The following TG variants were observed in gnomAD, a reference collection of about 807,000 sequenced individuals.
TG encodes the protein thyroid hormones.
A neutral mutation model predicts 324.7 loss-of-function variants in TG; 270 were observed. The observed-to-expected ratio is 0.83, with a 90% confidence interval of 0.75 to 0.92. The LOEUF (loss-of-function observed/expected upper bound fraction) is 0.92. TG is among the 40% of genes least tolerant of loss of function. The pLI is 0.00. For missense variants in TG, 3,591 were observed against 3,456.4 expected (o/e 1.04, Z -0.98); for synonymous variants, 1,401 against 1,327.0 (o/e 1.06, Z -1.21).
intron 27 of TG, among the ~76,000 whole-genome samples, 191 bp from the exon 28 acceptor site, chr8:132,960,817 G>C (rs1483262953): frequency 1.3e-5 from 2 of 152,158 alleles, no homozygotes; most frequent in Non-Finnish European, 2.9e-5. Flanking sequence ...ACCCATGTCT[G>C]ACCAGCTCTG....
intron 43 of TG, among the ~76,000 whole-genome samples, chr8:133,107,711 A>T (rs569476636): frequency 6.6e-6 from 1 of 152,332 alleles, no homozygotes; most frequent in Non-Finnish European, 1.5e-5. Context: ...TTGACCAGTC[A>T]TCAAGGCTGC....
intron 38 of TG, 130 bp from the exon 39 acceptor site, chr8:133,019,472 G>A: frequency 2.8e-6 from 2 of 723,700 alleles, no homozygotes; most frequent in South Asian, 2.9e-5. Context: ...ATTTCCTGAA[G>A]CTGCCTAATT....
chr8:133,115,810 G>A lies in TG; in HGVS notation c.7755-799G>A, dbSNP rs547717811. Among the ~76,000 whole-genome samples, 48 of 152,322 alleles carry A rather than the reference G, an allele frequency of 3.2e-4. No individual in the cohort carries two copies. In the South Asian group the frequency reaches 9.3e-3, roughly 30 times the overall value. On this transcript the variant is annotated intron_variant, in intron 44 of 47. Coordinates refer to ENST00000220616, the MANE Select transcript of TG (RefSeq NM_003235.5). ...GCCTCTCTAAGCACATAGCCTGTGC[G>A]TCAGCACACGCAGGGCCCCACTCTT... is the stretch of plus-strand genomic sequence containing the variant.
At chr8:132,988,153 C>T (rs1274344284) in intron 35 of TG, among the ~76,000 whole-genome samples, 2 of 151,662 alleles carry the variant, frequency 1.3e-5, no homozygotes, top group African/African-American at 4.9e-5. Flanking sequence ...ACTCGAAAGT[C>T]CATCTGCACA....
At chr8:132,902,800 G>T (rs542714406) in intron 16 of TG, among the ~76,000 whole-genome samples, 4 of 152,324 alleles carry the variant, frequency 2.6e-5, no homozygotes, top group African/African-American at 9.6e-5. Flanking sequence ...CAGGTCTGGA[G>T]CACAGCTCCT....
At chr8:132,978,849 C>T (rs1364563054) in intron 34 of TG, among the ~76,000 whole-genome samples, 1 of 152,108 alleles carries the variant, frequency 6.6e-6, no homozygotes, top group Non-Finnish European at 1.5e-5. Flanking sequence ...GGTCACAGAT[C>T]AAAGGATGGA....
chr8:132,969,616 T>C lies in TG; in HGVS notation c.5975+47T>C, dbSNP rs772452935. 7.6e-6 allele frequency: 10 copies of C among 1,321,434 alleles called. No individual in the cohort carries two copies. The Middle Eastern group carries it at 7.3e-4, about 96-fold the overall frequency. 81.9% of individuals were successfully genotyped at this position (1,321,434 alleles called of 1,614,324 possible). ...CCTAATGTTTATTATGAATAATACT[T>C]CCTCAAAGAAGATGACACAATCACA... On this transcript the variant is annotated intron_variant, in intron 32 of 47. Transcript: ENST00000220616.
At chr8:132,922,869 C>A (rs1003551810) in intron 21 of TG, among the ~76,000 whole-genome samples, 1 of 152,150 alleles carries the variant, frequency 6.6e-6, no homozygotes. Context: ...CTGCTAATAC[C>A]GTCACACTGG....
At position 132,988,066 on chromosome 8, in the gene TG, A is replaced by G. The variant is rs566458501; in HGVS notation, c.6262+4654A>G. ...ATGGGCAGCTTGTACATACACATGC[A>G]CACACACACACACACACACACACAC... is the stretch of plus-strand genomic sequence containing the variant. On this transcript the variant is annotated intron_variant, in intron 35 of 47. Transcript: ENST00000220616. Among the ~76,000 whole-genome samples the G allele has an allele frequency of 1.4e-3, 94 of 68,812 alleles. No individual in the cohort carries two copies. The South Asian group carries it at 0.033, about 24-fold the overall frequency. The allele number at this position is 68,812 out of a possible 152,430, so 45.1% of individuals were successfully genotyped here. A position where few individuals can be genotyped will look rare whatever the true frequency, so the allele number is the denominator to read the frequency against.
chr8:133,002,360 A>C (rs929354269), intron 35 of TG: 1 of 985,380 alleles, frequency 1.0e-6, no homozygotes, highest in Non-Finnish European at 1.2e-6. Context: ...TCTTTAAACC[A>C]GTACAAATAT....
chr8:132,915,461 G>A (rs765030328), intron 20 of TG, among the ~76,000 whole-genome samples: 2 of 152,216 alleles, frequency 1.3e-5, no homozygotes, highest in Non-Finnish European at 2.9e-5. Flanking sequence ...TTGCCTGAAG[G>A]GGAAAGAGTA....
chr8:133,065,983 G>C (rs1842979739), intron 41 of TG, among the ~76,000 whole-genome samples: 1 of 152,064 alleles, frequency 6.6e-6, no homozygotes, highest in African/African-American at 2.4e-5. Context: ...AAACAAGAGA[G>C]CGAGGCCAGT....
Position 132,887,562 on chromosome 8 carries a change from G to T in TG, c.2176+14G>T. Reference sequence around the variant, plus strand: ...AGCCCAAGAAATGTAAGTCTGTTGGGTATTCAATCTGTAGGTTCCCTGAGT... The same window carrying T: ...AGCCCAAGAAATGTAAGTCTGTTGGTTATTCAATCTGTAGGTTCCCTGAGT... On this transcript the variant is annotated intron_variant, in intron 9 of 47. Coordinates refer to ENST00000220616, the MANE Select transcript of TG (RefSeq NM_003235.5). The T allele has an allele frequency of 1.2e-6, 2 of 1,614,148 alleles. No homozygotes were observed. Among genetic ancestry groups the T allele is most frequent in the Non-Finnish European group, 1.7e-6 (2 of 1,180,030 alleles).
rs995732872 is a variant in TG at position 132,915,361 on chromosome 8, GC to G, written c.4378+2098del. Among the ~76,000 whole-genome samples, 19 of 152,290 alleles carry G rather than the reference GC, an allele frequency of 1.2e-4. No individual in the cohort carries two copies. In the South Asian group the frequency reaches 1.7e-3, roughly 13 times the overall value. The stretch of plus-strand genomic sequence containing the variant: ...ACACACAGGTAAAATAAAGGGGCTG[GC>G]CTAGAAACCTGGTTTCAAGATTCCT... On this transcript the variant is annotated intron_variant, in intron 20 of 47. Transcript: ENST00000220616.
chr8:132,968,077 T>C (rs998103073), intron 31 of TG, 107 bp downstream of exon 31: 4 of 1,353,172 alleles, frequency 3.0e-6, no homozygotes, highest in African/African-American at 1.5e-5. Context: ...ATTTTCTTTA[T>C]ACTTTTATTG....
chr8:132,975,109 AG>A (rs56950154), intron 34 of TG, among the ~76,000 whole-genome samples: 3,119 of 152,310 alleles, frequency 0.02, 80 homozygotes, highest in African/African-American at 0.069. Flanking sequence ...TCATAGAGGA[AG>A]GGAGAAAATA....
At chr8:133,031,531 G>C (rs773363173) in intron 41 of TG, among the ~76,000 whole-genome samples, 11 of 152,164 alleles carry the variant, frequency 7.2e-5, no homozygotes, top group Non-Finnish European at 1.2e-4. Context: ...GGGCAACGCT[G>C]GAGGCAAAGA....
intron 10 of TG, among the ~76,000 whole-genome samples, chr8:132,892,902 T>A (rs959695159): frequency 1.4e-5 from 2 of 145,872 alleles, no homozygotes; most frequent in Non-Finnish European, 3.0e-5. Flanking sequence ...CCTGTGTGCA[T>A]GTGTGTGTGG....
intron 43 of TG, chr8:133,102,830 A>G (rs1315988394): frequency 2.4e-6 from 1 of 422,746 alleles, no homozygotes; most frequent in South Asian, 2.3e-5. Context: ...TCAGAAACAG[A>G]GCGCCTCCGC....
Sources: allele counts gnomAD v4.1 joint callset (sites outside exome capture counted in the v4.1 genomes callset), GRCh38; gene constraint gnomAD v4.1.1; transcripts MANE v1.5; gene names NCBI Gene and HGNC (gene_info 2026-07-23, HGNC 2026-07-21).